BAK1: variants seen among roughly 807,000 people sequenced by gnomAD.
The protein encoded by BAK1 is bcl-2 homologous antagonist/killer.
BAK1 carries 19 observed loss-of-function variants against 24.7 expected under a neutral mutation model. That is an observed-to-expected ratio of 0.77 (90% confidence interval 0.54 to 1.13). BAK1 has a LOEUF of 1.13. Ranked by LOEUF, BAK1 falls within the 50% of genes most tolerant of loss-of-function variation. BAK1 has a pLI of 0.00. For missense variants in BAK1, 194 were observed against 279.4 expected (o/e 0.69, Z 2.18); for synonymous variants, 86 against 107.3 (o/e 0.80, Z 1.23).
chr6:33,576,064 C>G, intron 2 of BAK1, 136 bp from the exon 3 acceptor site: 3 of 1,346,694 alleles, frequency 2.2e-6, no homozygotes, highest in Non-Finnish European at 3.0e-6. Flanking sequence ...TGCGGTGGCT[C>G]ACGCCTATAA....
In BAK1 at chr6:33,577,416, G is replaced by A; in HGVS notation, c.70+119C>T. ...CCTCTGAGCCCGTGGGTGGGGAAGA[G>A]TATTCCCCACCCACAGTGGGTGAAC... On this transcript the variant is annotated intron_variant, in intron 2 of 5. Transcript: ENST00000374467. This position sits in a 1 kb window ranked among gnomAD's most constrained non-coding sequence, Gnocchi z 4.6. 1 of 970,492 alleles carries A rather than the reference G, an allele frequency of 1.0e-6. No homozygotes were observed. Among genetic ancestry groups the A allele is most frequent in the Non-Finnish European group, 1.5e-6 (1 of 677,510 alleles). 60.1% of individuals were successfully genotyped at this position (970,492 alleles called of 1,614,324 possible).
In BAK1 at chr6:33,578,893, G is replaced by T. The variant is rs1016372808; in HGVS notation, c.-32+1132C>A. On this transcript the variant is annotated intron_variant, in intron 1 of 5. Coordinates refer to ENST00000374467, the MANE Select transcript of BAK1 (RefSeq NM_001188.4). This position sits in a 1 kb window ranked among gnomAD's most constrained non-coding sequence, Gnocchi z 4.8. ...CACACAGCCCCACCCCCACCGCCCA[G>T]GGCCTGGGGACCTTCGCCCACCCTC... is the stretch of plus-strand genomic sequence containing the variant. Among the ~76,000 whole-genome samples, 18 of 152,026 alleles carry T rather than the reference G, an allele frequency of 1.2e-4. No homozygotes were observed. The highest frequency in any genetic ancestry group is 3.4e-4 in the African/African-American group (14 of 41,414).
intron 2 of BAK1, among the ~76,000 whole-genome samples, chr6:33,576,439 G>A (rs1308589707): frequency 1.3e-5 from 2 of 151,824 alleles, no homozygotes; most frequent in African/African-American, 2.4e-5. Context: ...GACCATCCTG[G>A]CTAACATGGT....
chr6:33,579,629 G>A (rs964033973), intron 1 of BAK1, among the ~76,000 whole-genome samples: 1 of 152,194 alleles, frequency 6.6e-6, no homozygotes, highest in Non-Finnish European at 1.5e-5. Context: ...AGCCACCCCC[G>A]ACTTCCTGGG....
chr6:33,574,571 G>A (rs1324308848), intron 4 of BAK1: 3 of 1,338,870 alleles, frequency 2.2e-6, no homozygotes, highest in Non-Finnish European at 2.9e-6. Context: ...GAAAAGATTA[G>A]GGTAGTTCCT....
chr6:33,575,790 C>A lies in BAK1; in HGVS notation c.206+3G>T. On this transcript the variant is annotated splice_donor_region_variant and intron_variant, in intron 3 of 5. Transcript: ENST00000374467. The surrounding 1 kb of genome is among the most constrained non-coding windows in gnomAD (Gnocchi z 6.3). ...CCTTGTGGGCCCAGCGGTTGTAGCT[C>A]ACCTGCTAGGTTGCAGAGGTAAGGT... 2 of 1,612,356 alleles carry A rather than the reference C, an allele frequency of 1.2e-6. No individual in the cohort carries two copies. The highest frequency in any genetic ancestry group is 1.7e-6 in the Non-Finnish European group (2 of 1,179,790).
rs1344435732 is a variant in BAK1, at chr6:33,573,857, A to G, written c.582T>C (p.Val194=). Residue 194 remains valine, a synonymous_variant, in exon 6 of 6, where the codon GTT becomes GTC. Coordinates refer to ENST00000374467, the MANE Select transcript of BAK1 (RefSeq NM_001188.4). The part of the protein sequence containing the change: ...GNGPILNVLV[V]LGVVLLGQFV... ...ACTGGCCCAACAGAACCACACCCAG[A>G]ACCACCAGCACGTTCAGGATGGGAC... 1 of 1,614,094 alleles carries G rather than the reference A, an allele frequency of 6.2e-7. No individual in the cohort carries two copies. The highest frequency in any genetic ancestry group is 2.2e-5 in the East Asian group (1 of 44,882).
chr6:33,576,558 G>C (rs1203070349), intron 2 of BAK1, among the ~76,000 whole-genome samples: 1 of 151,600 alleles, frequency 6.6e-6, no homozygotes, highest in East Asian at 1.9e-4. Flanking sequence ...GCGTGAACCC[G>C]GGAGTTGGAG....
intron 2 of BAK1, among the ~76,000 whole-genome samples, chr6:33,576,754 C>T (rs953707279): frequency 2.6e-5 from 4 of 152,090 alleles, no homozygotes; most frequent in East Asian, 1.9e-4. Flanking sequence ...AGAGTTGTTC[C>T]GGCACTTGCA....
intron 2 of BAK1, among the ~76,000 whole-genome samples, chr6:33,576,318 C>T (rs1429514634): frequency 9.9e-6 from 1 of 101,170 alleles, no homozygotes; most frequent in Admixed American, 1.3e-4. Context: ...GCAACAAGAG[C>T]GAAACTCTGT....
rs1268385945 is a variant in BAK1, at chr6:33,578,236, C to T, written c.-31-601G>A. ...TGTTTTTTAACTCTGGGCTGTTAGC[C>T]GCAAACATTTCCTGAGAGCCTAAGA... is the stretch of plus-strand genomic sequence containing the variant. On this transcript the variant is annotated intron_variant, in intron 1 of 5. Transcript: ENST00000374467. This position sits in a 1 kb window ranked among gnomAD's most constrained non-coding sequence, Gnocchi z 4.8. Among the ~76,000 whole-genome samples the T allele has an allele frequency of 6.6e-6, 1 of 152,180 alleles. No individual in the cohort carries two copies. The highest frequency in any genetic ancestry group is 1.5e-5 in the Non-Finnish European group (1 of 68,036).
At position 33,577,766 on chromosome 6, in the gene BAK1, G is replaced by A; in HGVS notation, c.-31-131C>T. The A allele has an allele frequency of 1.6e-6, 1 of 613,428 alleles. No homozygotes were observed. 38.0% of individuals were successfully genotyped at this position (613,428 alleles called of 1,614,324 possible). On this transcript the variant is annotated intron_variant, in intron 1 of 5. Coordinates refer to ENST00000374467, the MANE Select transcript of BAK1 (RefSeq NM_001188.4). This position sits in a 1 kb window ranked among gnomAD's most constrained non-coding sequence, Gnocchi z 4.6. ...CCCAGAAAGGCCCTTAGTCCTCTGG[G>A]ACTTTGGCCAGGCCGGTCTCAAACT...
At position 33,572,587 on chromosome 6, in the gene BAK1, A is replaced by C. The variant is rs987995190; in HGVS notation, c.*1216T>G. 2 of 152,542 alleles carry C rather than the reference A, an allele frequency of 1.3e-5. No individual in the cohort carries two copies. The highest frequency in any genetic ancestry group is 4.8e-5 in the African/African-American group (2 of 41,424). 9.4% of individuals were successfully genotyped at this position (152,542 alleles called of 1,614,324 possible). ...GCACAGTTTATTTCCAAACACTCAG[A>C]GGATAGGGGGTGGCCTATGGGCTCC... On this transcript the variant is annotated 3_prime_UTR_variant, in exon 6 of 6. Coordinates refer to ENST00000374467, the MANE Select transcript of BAK1 (RefSeq NM_001188.4).
At chr6:33,574,569 T>A in intron 4 of BAK1, 1 of 1,340,286 alleles carries the variant, frequency 7.5e-7, no homozygotes, top group Non-Finnish European at 9.8e-7. Context: ...CAGAAAAGAT[T>A]AGGGTAGTTC....
chr6:33,575,830 C>A lies in BAK1; in HGVS notation c.169G>T (p.Asp57Tyr). Reference protein sequence around the residue: ...QEAEGVAAPADPEMVTLPLQP... With the variant: ...QEAEGVAAPAYPEMVTLPLQP... Reference sequence around the variant, plus strand: ...AGAGGTAAGGTGACCATCTCTGGGTCGGCAGGGGCAGCCACCCCTTCAGCC... The same window carrying A: ...AGAGGTAAGGTGACCATCTCTGGGTAGGCAGGGGCAGCCACCCCTTCAGCC... The change falls in exon 3 of 6, where the codon GAC becomes TAC. Residue 57 changes from aspartate to tyrosine, a missense_variant. Asp to Tyr is a radical substitution (Grantham distance 160). Coordinates refer to ENST00000374467, the MANE Select transcript of BAK1 (RefSeq NM_001188.4). The surrounding 1 kb of genome is among the most constrained non-coding windows in gnomAD (Gnocchi z 6.3). 1 of 1,613,596 alleles carries A rather than the reference C, an allele frequency of 6.2e-7. No individual in the cohort carries two copies. Among genetic ancestry groups the A allele is most frequent in the Non-Finnish European group, 8.5e-7 (1 of 1,179,988 alleles).
Position 33,577,415 on chromosome 6 carries a change from A to T in BAK1, c.70+120T>A. 2 of 966,162 alleles carry T rather than the reference A, an allele frequency of 2.1e-6. No homozygotes were observed. The highest frequency in any genetic ancestry group is 3.0e-6 in the Non-Finnish European group (2 of 675,176). 59.8% of individuals were successfully genotyped at this position (966,162 alleles called of 1,614,324 possible). On this transcript the variant is annotated intron_variant, in intron 2 of 5. Transcript: ENST00000374467. This position sits in a 1 kb window ranked among gnomAD's most constrained non-coding sequence, Gnocchi z 4.6. ...GCCTCTGAGCCCGTGGGTGGGGAAG[A>T]GTATTCCCCACCCACAGTGGGTGAA...
In BAK1 at chr6:33,573,623, T is replaced by C. The variant is rs1315777484; in HGVS notation, c.*180A>G. On this transcript the variant is annotated 3_prime_UTR_variant, in exon 6 of 6. Coordinates refer to ENST00000374467, the MANE Select transcript of BAK1 (RefSeq NM_001188.4). Reference sequence around the variant, plus strand: ...GAGGGCCCACTAGCACCATGCAATGTTGAGGTGCCTCTGCAGCCTGACTGG... The same window carrying C: ...GAGGGCCCACTAGCACCATGCAATGCTGAGGTGCCTCTGCAGCCTGACTGG... 1 of 632,128 alleles carries C rather than the reference T, an allele frequency of 1.6e-6. No individual in the cohort carries two copies. Among genetic ancestry groups the C allele is most frequent in the Non-Finnish European group, 2.8e-6 (1 of 353,482 alleles). The allele number at this position is 632,128 out of a possible 1,614,324, so 39.2% of individuals were successfully genotyped here.
At position 33,575,924 on chromosome 6, in the gene BAK1, C is replaced by T; in HGVS notation, c.75G>A (p.Glu25=). 6.2e-7 allele frequency: 1 copy of T among 1,614,122 alleles called. No individual in the cohort carries two copies. The highest frequency in any genetic ancestry group is 8.5e-7 in the Non-Finnish European group (1 of 1,179,998). ...GEPALPSASE[E]QVAQDTEEVF... ...CCTCCTCTGTGTCCTGGGCTACCTG[C>T]TCCTCTGAGGATCAAAGCTGGGAGT... Residue 25 remains glutamate (E), a synonymous_variant, in exon 3 of 6, where the codon GAG becomes GAA. Coordinates refer to ENST00000374467, the MANE Select transcript of BAK1 (RefSeq NM_001188.4). The surrounding 1 kb of genome is among the most constrained non-coding windows in gnomAD (Gnocchi z 6.3).
At position 33,577,402 on chromosome 6, in the gene BAK1, G is replaced by A. The variant is rs1450975417; in HGVS notation, c.70+133C>T. On this transcript the variant is annotated intron_variant, in intron 2 of 5. Coordinates refer to ENST00000374467, the MANE Select transcript of BAK1 (RefSeq NM_001188.4). The surrounding 1 kb of genome is among the most constrained non-coding windows in gnomAD (Gnocchi z 4.6). ...GACAGCAGCTCCAGCCTCTGAGCCC[G>A]TGGGTGGGGAAGAGTATTCCCCACC... 5.1e-5 allele frequency: 44 copies of A among 861,108 alleles called. No individual in the cohort carries two copies. The East Asian group carries it at 7.0e-4, about 14-fold the overall frequency. 53.3% of individuals were successfully genotyped at this position (861,108 alleles called of 1,614,324 possible).
Sources: gnomAD v4.1 joint callset for allele counts (sites outside exome capture counted in the v4.1 genomes callset) on GRCh38, gnomAD v4.1.1 for gene constraint, Gnocchi (gnomAD v3.1) non-coding constraint, MANE v1.5 for transcripts, NCBI Gene and HGNC (gene_info 2026-07-23, HGNC 2026-07-21) for gene names.